Variants in ARL6 observed in about 807,000 individuals in gnomAD.
The protein encoded by ARL6 is ADP-ribosylation factor-like protein 6.
A neutral mutation model predicts 27.1 loss-of-function variants in ARL6; 18 were observed. That is an observed-to-expected ratio of 0.66 (90% CI 0.46 to 0.98). The LOEUF is 0.98. Among genes scored for constraint, ARL6 ranks in the 50% least tolerant of loss-of-function variants. The pLI is 0.00. For missense variants in ARL6, 187 were observed against 214.9 expected, an observed-to-expected ratio of 0.87 and a Z score of 0.81; for synonymous variants, 65 against 72.3, an observed-to-expected ratio of 0.90 and a Z score of 0.51.
At chr3:97,766,244 A>G (rs556492608) in intron 1 of ARL6, among the ~76,000 whole-genome samples, 29 of 152,386 alleles carry the variant, frequency 1.9e-4, no homozygotes, top group Non-Finnish European at 3.4e-4. Context: ...TTATATCAAT[A>G]TGTTTATGCA....
chr3:97,765,388 G>A (rs2036333658), intron 1 of ARL6, among the ~76,000 whole-genome samples: 1 of 151,994 alleles, frequency 6.6e-6, no homozygotes, highest in Non-Finnish European at 1.5e-5. Context: ...GTTTTCTCTG[G>A]GCTACCACTC....
intron 2 of ARL6, among the ~76,000 whole-genome samples, chr3:97,778,799 A>G (rs949430962): frequency 6.6e-6 from 1 of 152,178 alleles, no homozygotes; most frequent in African/African-American, 2.4e-5. Context: ...TAACTTGTTC[A>G]AGGTAGCAAA....
At chr3:97,778,934 A>C (rs1221501555) in intron 2 of ARL6, among the ~76,000 whole-genome samples, 1 of 152,218 alleles carries the variant, frequency 6.6e-6, no homozygotes, top group Admixed American at 6.5e-5. Context: ...ATGTAAAAAA[A>C]AGGGAGGAGT....
Position 97,768,292 on chromosome 3 carries a change from ATTATG to A in ARL6, c.123+67_123+71del, listed in dbSNP as rs148137767. The stretch of plus-strand genomic sequence containing the variant: ...CTACTAAAGAAAATTAATGTGCAGA[ATTATG>A]TTATATGACGTTAAAACCGCATATA... On this transcript the variant is annotated intron_variant, in intron 2 of 7. Transcript: ENST00000463745. 1,087 of 1,554,866 alleles carry A rather than the reference ATTATG, an allele frequency of 7.0e-4. 8 individuals carry two copies. In the African/African-American group the frequency reaches 0.012, roughly 17 times the overall value.
At chr3:97,784,427 A>G (rs553812643) in intron 4 of ARL6, among the ~76,000 whole-genome samples, 3 of 151,828 alleles carry the variant, frequency 2.0e-5, no homozygotes, top group Middle Eastern at 3.4e-3. Flanking sequence ...TGTATTTCTC[A>G]CTATGGTTTA....
At chr3:97,794,177 T>TTGTGTGTG (rs370867493) in intron 7 of ARL6, among the ~76,000 whole-genome samples, 4,495 of 137,392 alleles carry the variant, frequency 0.033, 94 homozygotes, top group East Asian at 0.045. Context: ...TTTCTTTCTT[T>TTGTGTGTG]TGTGTGTGTG....
intron 2 of ARL6, among the ~76,000 whole-genome samples, chr3:97,777,320 G>A (rs779721031): frequency 6.6e-6 from 1 of 152,006 alleles, no homozygotes; most frequent in Non-Finnish European, 1.5e-5. Flanking sequence ...AAGGCAATAC[G>A]ATAACCACAG....
At position 97,797,821 on chromosome 3, in the gene ARL6, T is replaced by C. The variant is rs568646473; in HGVS notation, c.536-203T>C. On this transcript the variant is annotated intron_variant, in intron 7 of 7. Transcript: ENST00000463745. ...CTTGTAGTCTCAACTACTAGAGAGG[T>C]TCAGGTGGGAGGACCACTTGCACCC... Among the ~76,000 whole-genome samples the C allele has an allele frequency of 3.9e-5, 6 of 152,184 alleles. No individual in the cohort carries two copies. The South Asian group carries it at 8.3e-4, about 21-fold the overall frequency.
chr3:97,791,756 T>G lies in ARL6; in HGVS notation c.480-15T>G. The G allele has an allele frequency of 1.2e-6, 2 of 1,613,014 alleles. No homozygotes were observed. The highest frequency in any genetic ancestry group is 1.7e-6 in the Non-Finnish European group (2 of 1,179,188). On this transcript the variant is annotated splice_polypyrimidine_tract_variant and intron_variant, in intron 6 of 7. Coordinates refer to ENST00000463745, the MANE Select transcript of ARL6 (RefSeq NM_001278293.3). ...TGTAATGAGATGGCTATGTTTCTTATGGATTTCATTTCAGTGCTAGTGATG... is the reference window on the plus strand; with the variant it reads ...TGTAATGAGATGGCTATGTTTCTTAGGGATTTCATTTCAGTGCTAGTGATG...
intron 1 of ARL6, 108 bp from the exon 2 acceptor site, chr3:97,767,973 C>A: frequency 1.0e-6 from 1 of 980,548 alleles, no homozygotes; most frequent in Non-Finnish European, 1.5e-6. Context: ...ATAGTTTTCA[C>A]ACTATTATTA....
intron 2 of ARL6, among the ~76,000 whole-genome samples, chr3:97,776,811 C>G (rs1382766461): frequency 6.6e-6 from 1 of 152,108 alleles, no homozygotes; most frequent in East Asian, 1.9e-4. Flanking sequence ...CACGCGCCAC[C>G]ACACCCCACT....
At chr3:97,791,662 A>G in intron 6 of ARL6, 109 bp from the exon 7 acceptor site, 3 of 938,498 alleles carry the variant, frequency 3.2e-6, no homozygotes, top group Middle Eastern at 4.2e-4. Flanking sequence ...TTGCTCAGAT[A>G]TATGTTGTTA....
chr3:97,765,211 GGTGTGTGTGTGTGTGTGTGTGT>G (rs71113866), intron 1 of ARL6, among the ~76,000 whole-genome samples: 1 of 105,614 alleles, frequency 9.5e-6, no homozygotes, highest in South Asian at 3.4e-4. Flanking sequence ...GTGTATTGGG[GGTGTGTGTGTGTGTGTGTGTGT>G]GTGTGTGTGT....
At chr3:97,766,506 C>T (rs1234890643) in intron 1 of ARL6, 1 of 152,240 alleles carries the variant, frequency 6.6e-6, no homozygotes, top group African/African-American at 2.4e-5. Flanking sequence ...TAATAGGCCT[C>T]ACCTTTTGGC....
Position 97,780,686 on chromosome 3 carries a change from A to C in ARL6, c.254+3A>C, listed in dbSNP as rs1481909189. Reference sequence around the variant, plus strand: ...AATCTCTGGGAACACTATTATAAGTAAGTACATCTGTGAATGTTGCTTAAC... The same window carrying C: ...AATCTCTGGGAACACTATTATAAGTCAGTACATCTGTGAATGTTGCTTAAC... On this transcript the variant is annotated splice_donor_region_variant and intron_variant, in intron 4 of 7. Transcript: ENST00000463745. 6.2e-7 allele frequency: 1 copy of C among 1,603,560 alleles called. No individual in the cohort carries two copies. The highest frequency in any genetic ancestry group is 2.2e-5 in the East Asian group (1 of 44,690).
intron 4 of ARL6, among the ~76,000 whole-genome samples, chr3:97,782,977 TTTTTC>T (rs2037271969): frequency 6.6e-6 from 1 of 151,088 alleles, no homozygotes; most frequent in Admixed American, 6.6e-5. Flanking sequence ...CTTTCTTTTA[TTTTTC>T]TTTTCTTTTT....
intron 4 of ARL6, among the ~76,000 whole-genome samples, chr3:97,782,766 C>T (rs1330506496): frequency 1.3e-5 from 2 of 149,976 alleles, no homozygotes; most frequent in African/African-American, 4.9e-5. Flanking sequence ...ATTTTTATAT[C>T]AATTATGTAA....
chr3:97,771,699 AG>A (rs1383446394), intron 2 of ARL6, among the ~76,000 whole-genome samples: 2 of 150,798 alleles, frequency 1.3e-5, no homozygotes, highest in African/African-American at 5.0e-5. Flanking sequence ...TTATTGTTTG[AG>A]GTATGGTTCT....
intron 2 of ARL6, 152 bp downstream of exon 2, chr3:97,768,382 G>A: frequency 1.3e-6 from 1 of 744,872 alleles, no homozygotes; most frequent in Non-Finnish European, 2.1e-6. Context: ...GCCATAATTT[G>A]CAGTATATTT....
Sources: gnomAD v4.1 joint callset for allele counts (sites outside exome capture counted in the v4.1 genomes callset) on GRCh38, gnomAD v4.1.1 for gene constraint, MANE v1.5 for transcripts, NCBI Gene and HGNC (gene_info 2026-07-23, HGNC 2026-07-21) for gene names.